The following TMPRSS11D variants were observed in gnomAD, a reference collection of about 807,000 sequenced individuals.
TMPRSS11D encodes transmembrane serine protease 11D.
TMPRSS11D carries 32 observed loss-of-function variants against 44.4 expected under a neutral mutation model. The observed-to-expected ratio is 0.72, with a 90% CI of 0.54 to 0.97. TMPRSS11D has a LOEUF of 0.97. Ranked by LOEUF, TMPRSS11D falls within the 50% of genes least tolerant of loss-of-function variation. The probability of loss-of-function intolerance (pLI) is 0.00; values close to 1 mark genes in which losing one functional copy is unlikely to be tolerated. For missense variants in TMPRSS11D, 446 were observed against 502.6 expected, an observed-to-expected ratio of 0.89 and a Z score of 1.08; for synonymous variants, 179 against 177.9, an observed-to-expected ratio of 1.01 and a Z score of -0.05.
At chr4:67,827,638 G>GAAA (rs1717837263) in intron 7 of TMPRSS11D, 118 bp from the exon 8 acceptor site, 14 of 1,149,086 alleles carry the variant, frequency 1.2e-5, no homozygotes, top group Non-Finnish European at 1.6e-5. Flanking sequence ...ACATCTCTTT[G>GAAA]CTATATTTTC....
chr4:67,854,286 A>C (rs1386749058), intron 2 of TMPRSS11D, 100 bp from the exon 3 acceptor site: 16 of 600,304 alleles, frequency 2.7e-5, no homozygotes, highest in African/African-American at 5.9e-5. Flanking sequence ...GAATTTCAAA[A>C]ATTTGCTTTC....
intron 1 of TMPRSS11D, among the ~76,000 whole-genome samples, chr4:67,872,436 T>C (rs750854721): frequency 6.6e-6 from 1 of 152,206 alleles, no homozygotes; most frequent in Non-Finnish European, 1.5e-5. Flanking sequence ...TATTTTATTG[T>C]AAAAATGCTC....
intron 9 of TMPRSS11D, 43 bp from the exon 10 acceptor site, chr4:67,822,541 A>G (rs1717673705): frequency 2.5e-6 from 4 of 1,608,414 alleles, no homozygotes; most frequent in Non-Finnish European, 3.4e-6. Flanking sequence ...TGCAAAGACA[A>G]ACCCAAAATA....
intron 1 of TMPRSS11D, among the ~76,000 whole-genome samples, chr4:67,880,748 C>T (rs1356096964): frequency 2.0e-5 from 3 of 152,064 alleles, no homozygotes; most frequent in East Asian, 1.9e-4. Context: ...CCTCCTACCT[C>T]GGCCTTCAGG....
rs749271761 is a variant in TMPRSS11D at position 67,859,615 on chromosome 4, G to A, written c.72C>T (p.Val24=). 12 of 1,613,090 alleles carry A rather than the reference G, an allele frequency of 7.4e-6. No homozygotes were observed. In the South Asian group the frequency reaches 9.9e-5, roughly 13 times the overall value. Residue 24 remains valine, a synonymous_variant, in exon 2 of 10, where the codon GTC becomes GTT. Coordinates refer to ENST00000283916, the MANE Select transcript of TMPRSS11D (RefSeq NM_004262.3). ...LNPYVVCFIV[V]AGVVILAVTI... is the part of the protein sequence containing the mutation. ...TGACTGCCAGGATCACTACCCCTGC[G>A]ACGACAATGAAACATACTACATATG...
At chr4:67,860,009 A>G (rs957755413) in intron 1 of TMPRSS11D, among the ~76,000 whole-genome samples, 1 of 152,274 alleles carries the variant, frequency 6.6e-6, no homozygotes, top group African/African-American at 2.4e-5. Flanking sequence ...TTCTACTGCA[A>G]TGTCTTCCAA....
intron 7 of TMPRSS11D, among the ~76,000 whole-genome samples, chr4:67,828,126 A>C (rs185950405): frequency 2.1e-3 from 312 of 152,092 alleles, no homozygotes; most frequent in Middle Eastern, 0.01. Context: ...TAAACAAACT[A>C]TGCATGGATT....
chr4:67,846,389 TTAA>T (rs1718357679), intron 3 of TMPRSS11D, among the ~76,000 whole-genome samples: 1 of 152,094 alleles, frequency 6.6e-6, no homozygotes, highest in African/African-American at 2.4e-5. Flanking sequence ...AATGATATTT[TTAA>T]TATTATAATA....
At chr4:67,842,656 T>C (rs773035343) in intron 3 of TMPRSS11D, 31 bp from the exon 4 acceptor site, 5 of 1,571,356 alleles carry the variant, frequency 3.2e-6, no homozygotes, top group Non-Finnish European at 4.4e-6. Context: ...GGAATCTCTC[T>C]GTAAATACAG....
chr4:67,880,610 G>C (rs1301650702), intron 1 of TMPRSS11D, among the ~76,000 whole-genome samples: 2 of 151,986 alleles, frequency 1.3e-5, no homozygotes, highest in Non-Finnish European at 2.9e-5. Flanking sequence ...AAATATACTC[G>C]GTGGCTTTTA....
chr4:67,836,865 C>T (rs1324808136), intron 5 of TMPRSS11D, among the ~76,000 whole-genome samples: 1 of 152,128 alleles, frequency 6.6e-6, no homozygotes, highest in Non-Finnish European at 1.5e-5. Flanking sequence ...CCTTTTCATG[C>T]TTTCCTTCTC....
chr4:67,866,218 A>G (rs1295339098), intron 1 of TMPRSS11D, among the ~76,000 whole-genome samples: 2 of 152,074 alleles, frequency 1.3e-5, no homozygotes, highest in African/African-American at 2.4e-5. Flanking sequence ...AATGTGATTC[A>G]CCACATAAAC....
At chr4:67,844,398 A>G (rs1490504295) in intron 3 of TMPRSS11D, among the ~76,000 whole-genome samples, 1 of 152,228 alleles carries the variant, frequency 6.6e-6, no homozygotes, top group African/African-American at 2.4e-5. Context: ...AATTTTAAGA[A>G]CAATGAGACT....
At position 67,822,366 on chromosome 4, in the gene TMPRSS11D, C is replaced by T. The variant is rs201342965; in HGVS notation, c.1228G>A (p.Asp410Asn). Residue 410 changes from aspartate to asparagine, a missense_variant, in exon 10 of 10, where the codon GAC (aspartate) becomes AAC (asparagine). Physicochemically the swap from Asp to Asn is conservative, Grantham distance 23. Transcript: ENST00000283916. ...ATCCCAGTTTGTTGCCTAATCCAGT[C>T]AAGGTAGGCTGTCACTCGAGTATAC... ...GVYTRVTAYL[D>N]WIRQQTGI 9 of 1,613,792 alleles carry T rather than the reference C, an allele frequency of 5.6e-6. No homozygotes were observed. In the East Asian group the frequency reaches 2.0e-4, roughly 36 times the overall value.
intron 1 of TMPRSS11D, among the ~76,000 whole-genome samples, chr4:67,862,025 G>A (rs1245809082): frequency 6.6e-6 from 1 of 152,054 alleles, no homozygotes; most frequent in Non-Finnish European, 1.5e-5. Context: ...TTTAAAGCAG[G>A]GTCTTGGTCA....
At chr4:67,842,310 C>A (rs1420045965) in intron 4 of TMPRSS11D, among the ~76,000 whole-genome samples, 3 of 152,114 alleles carry the variant, frequency 2.0e-5, no homozygotes, top group Non-Finnish European at 4.4e-5. Context: ...TACCTTCACC[C>A]CAACTCTCTC....
chr4:67,842,523 C>A lies in TMPRSS11D; in HGVS notation c.317+35G>T, dbSNP rs775115770. On this transcript the variant is annotated intron_variant, in intron 4 of 9. Transcript: ENST00000283916. ...AAAAGTCAAGTATGCCACATTGTAT[C>A]TATACTTAAATATTTTTTCTACAGT... is the stretch of plus-strand genomic sequence containing the variant. 1.3e-5 allele frequency: 21 copies of A among 1,560,326 alleles called. 1 individual carries two copies. Among genetic ancestry groups the A allele is most frequent in the Non-Finnish European group, 1.5e-5 (17 of 1,132,798 alleles).
chr4:67,874,229 A>G (rs1030302485), intron 1 of TMPRSS11D, among the ~76,000 whole-genome samples: 2 of 152,198 alleles, frequency 1.3e-5, no homozygotes, highest in Admixed American at 1.3e-4. Flanking sequence ...TGATGTCTGC[A>G]TAAGGACAAA....
intron 1 of TMPRSS11D, among the ~76,000 whole-genome samples, chr4:67,874,605 G>A (rs1393195705): frequency 1.3e-5 from 2 of 152,106 alleles, no homozygotes; most frequent in Non-Finnish European, 2.9e-5. Context: ...GAGAAGGGAG[G>A]CACTGTGAAT....
Sources: allele counts gnomAD v4.1 joint callset (sites outside exome capture counted in the v4.1 genomes callset), GRCh38; gene constraint gnomAD v4.1.1; transcripts MANE v1.5; gene names NCBI Gene and HGNC (gene_info 2026-07-23, HGNC 2026-07-21).